The following RBFOX1 variants were observed in gnomAD, a reference collection of about 807,000 sequenced individuals.
The protein encoded by RBFOX1 is RNA binding protein fox-1 homolog 1.
Under a neutral mutation model 57.7 loss-of-function variants are expected in RBFOX1, and 8 were observed. That is an observed-to-expected ratio of 0.14 (90% CI 0.08 to 0.25). RBFOX1 has a LOEUF of 0.25. RBFOX1 is among the 10% of genes least tolerant of loss of function. RBFOX1 has a pLI of 1.00. For synonymous variants in RBFOX1, 326 were observed against 222.4 expected, an observed-to-expected ratio of 1.47 and a Z score of -4.15; for missense variants, 611 against 548.5, an observed-to-expected ratio of 1.11 and a Z score of -1.14.
At chr16:7,085,195 A>G (rs1466430984) in intron 4 of RBFOX1, among the ~76,000 whole-genome samples, 1 of 152,144 alleles carries the variant, frequency 6.6e-6, no homozygotes, top group East Asian at 1.9e-4. Context: ...ATAAAGGAAA[A>G]TTGGTTATTC....
chr16:7,018,716 C>T (rs570857574), intron 3 of RBFOX1, among the ~76,000 whole-genome samples: 1 of 151,862 alleles, frequency 6.6e-6, no homozygotes, highest in African/African-American at 2.4e-5. Flanking sequence ...GTGCAGCACA[C>T]CAACATGGCA....
intron 3 of RBFOX1, among the ~76,000 whole-genome samples, chr16:6,970,859 G>A (rs1190926046): frequency 6.6e-6 from 1 of 152,192 alleles, no homozygotes; most frequent in African/African-American, 2.4e-5. Context: ...GAAGAAAGAA[G>A]GCTGTGCTAG....
chr16:5,777,727 T>A (rs2054192685), intron 3 of RBFOX1, among the ~76,000 whole-genome samples: 1 of 152,160 alleles, frequency 6.6e-6, no homozygotes, highest in African/African-American at 2.4e-5. Flanking sequence ...AAACACACAA[T>A]ACATACATAA....
At chr16:6,009,221 A>AATT (rs1029573940) in intron 4 of RBFOX1, among the ~76,000 whole-genome samples, 1 of 152,120 alleles carries the variant, frequency 6.6e-6, no homozygotes, top group Non-Finnish European at 1.5e-5. Flanking sequence ...TGGTCTCTAA[A>AATT]AAAGACCTAC....
At chr16:6,957,979 G>C (rs1418663063) in intron 3 of RBFOX1, among the ~76,000 whole-genome samples, 1 of 152,108 alleles carries the variant, frequency 6.6e-6, no homozygotes, top group African/African-American at 2.4e-5. Context: ...GGTTACACAG[G>C]ACCAGCTCCT....
intron 1 of RBFOX1, among the ~76,000 whole-genome samples, chr16:6,045,292 A>G (rs991782369): frequency 7.2e-5 from 11 of 152,330 alleles, no homozygotes; most frequent in Middle Eastern, 3.4e-3. Flanking sequence ...GGGTGGGTAC[A>G]GATACCTTTT....
intron 3 of RBFOX1, among the ~76,000 whole-genome samples, chr16:7,027,206 T>C (rs1426035781): frequency 6.6e-6 from 1 of 152,064 alleles, no homozygotes; most frequent in Admixed American, 6.5e-5. Context: ...TATTGAACTC[T>C]CCAGCGCACA....
chr16:7,346,356 C>T (rs2097005900), intron 4 of RBFOX1, among the ~76,000 whole-genome samples: 1 of 151,494 alleles, frequency 6.6e-6, no homozygotes, highest in South Asian at 2.1e-4. Context: ...CCCAAGAGGG[C>T]AGTGTATTTT....
intron 3 of RBFOX1, among the ~76,000 whole-genome samples, chr16:6,992,936 A>G (rs943399504): frequency 6.6e-6 from 1 of 151,860 alleles, no homozygotes; most frequent in Non-Finnish European, 1.5e-5. Flanking sequence ...ATTTCATTGT[A>G]GAATGCAGAC....
chr16:6,071,500 C>A (rs2095837741), intron 1 of RBFOX1, among the ~76,000 whole-genome samples: 1 of 151,528 alleles, frequency 6.6e-6, no homozygotes, highest in Non-Finnish European at 1.5e-5. Flanking sequence ...ATATAACAAA[C>A]CTGCATGTGT....
At chr16:5,550,018 G>A (rs1294031658) in intron 2 of RBFOX1, among the ~76,000 whole-genome samples, 1 of 152,186 alleles carries the variant, frequency 6.6e-6, no homozygotes, top group Non-Finnish European at 1.5e-5. Context: ...GCTGGTTACA[G>A]CTTTCTTTGT....
intron 1 of RBFOX1, among the ~76,000 whole-genome samples, chr16:6,134,802 A>T (rs1374327600): frequency 2.0e-5 from 3 of 151,258 alleles, no homozygotes; most frequent in African/African-American, 7.3e-5. Flanking sequence ...AGTATTTCTT[A>T]TGTGAGGGGT....
At chr16:6,327,319 A>G (rs901633253) in intron 2 of RBFOX1, among the ~76,000 whole-genome samples, 5 of 152,130 alleles carry the variant, frequency 3.3e-5, no homozygotes, top group Non-Finnish European at 7.3e-5. Flanking sequence ...ATCTTAGAAT[A>G]TCTAGTAGGT....
intron 4 of RBFOX1, among the ~76,000 whole-genome samples, chr16:7,188,696 C>T (rs534031475): frequency 6.6e-6 from 1 of 152,164 alleles, no homozygotes; most frequent in Non-Finnish European, 1.5e-5. Flanking sequence ...TTCATTTATT[C>T]TGCTGCAGTC....
At chr16:6,960,950 A>T (rs1208121300) in intron 3 of RBFOX1, among the ~76,000 whole-genome samples, 1 of 147,490 alleles carries the variant, frequency 6.8e-6, no homozygotes, top group Non-Finnish European at 1.5e-5. Flanking sequence ...CAACGTGATG[A>T]AACTCCATCT....
At chr16:6,883,847 T>C (rs1406653968) in intron 3 of RBFOX1, among the ~76,000 whole-genome samples, 1 of 152,096 alleles carries the variant, frequency 6.6e-6, no homozygotes, top group Non-Finnish European at 1.5e-5. Flanking sequence ...TAGGAATTAA[T>C]GTCCTTTGTA....
chr16:6,517,350 C>G (rs1279329907), intron 2 of RBFOX1, among the ~76,000 whole-genome samples: 1 of 152,186 alleles, frequency 6.6e-6, no homozygotes, highest in Non-Finnish European at 1.5e-5. Flanking sequence ...CCGAATACAT[C>G]TGTGTTTGGG....
At chr16:6,668,034 A>G (rs1014680017) in intron 3 of RBFOX1, among the ~76,000 whole-genome samples, 13 of 152,224 alleles carry the variant, frequency 8.5e-5, no homozygotes, top group African/African-American at 3.1e-4. Flanking sequence ...ACAAGTTAAG[A>G]TAATAGCAAA....
At chr16:7,343,781 G>T (rs1358420014) in intron 4 of RBFOX1, among the ~76,000 whole-genome samples, 1 of 151,974 alleles carries the variant, frequency 6.6e-6, no homozygotes, top group Non-Finnish European at 1.5e-5. Flanking sequence ...TCCACCTCTG[G>T]GACCTTGGAT....
Sources: allele counts gnomAD v4.1 joint callset (sites outside exome capture counted in the v4.1 genomes callset), GRCh38; gene constraint gnomAD v4.1.1; transcripts MANE v1.5; gene names NCBI Gene and HGNC (gene_info 2026-07-23, HGNC 2026-07-21).